The following PCDHGA2 variants were observed in gnomAD, a reference collection of about 807,000 sequenced individuals.
The protein encoded by PCDHGA2 is protocadherin gamma subfamily A, 2.
Under a neutral mutation model 59.2 loss-of-function variants are expected in PCDHGA2, and 40 were observed. The ratio of observed to expected loss-of-function variants is 0.68; its 90% CI spans 0.52 to 0.88. The LOEUF (loss-of-function observed/expected upper bound fraction) is 0.88. Ranked by LOEUF, PCDHGA2 falls within the 40% of genes least tolerant of loss-of-function variation. The pLI is 0.00. For missense variants in PCDHGA2, 1,226 were observed against 1,204.0 expected (o/e 1.02, Z -0.27); for synonymous variants, 560 against 526.0 (o/e 1.06, Z -0.89).
chr5:141,442,164 C>A, intron 1 of PCDHGA2: 1 of 156,542 alleles, frequency 6.4e-6, no homozygotes, highest in Non-Finnish European at 1.4e-5. Context: ...GATCACTCTG[C>A]AAAGCTACAG....
At chr5:141,398,555 G>A in intron 1 of PCDHGA2, 1 of 1,613,934 alleles carries the variant, frequency 6.2e-7, no homozygotes, top group Non-Finnish European at 8.5e-7. Context: ...CTGCAAATAA[G>A]TGAGTCTGCA....
intron 1 of PCDHGA2, among the ~76,000 whole-genome samples, chr5:141,483,393 C>T (rs1475344614): frequency 6.6e-6 from 1 of 152,080 alleles, no homozygotes; most frequent in Admixed American, 6.5e-5. Flanking sequence ...TTGATAAATG[C>T]TTGAACCAGC....
At chr5:141,402,799 C>G in intron 1 of PCDHGA2, 1 of 1,061,846 alleles carries the variant, frequency 9.4e-7, no homozygotes, top group Non-Finnish European at 1.3e-6. Flanking sequence ...TACACAAAAC[C>G]CGGCAGATAC....
chr5:141,432,632 G>A lies in PCDHGA2; in HGVS notation c.2425-62175G>A. 3.7e-6 allele frequency: 6 copies of A among 1,612,834 alleles called. No individual in the cohort carries two copies. The highest frequency in any genetic ancestry group is 5.1e-6 in the Non-Finnish European group (6 of 1,179,706). On this transcript the variant is annotated intron_variant, in intron 1 of 3. Coordinates refer to ENST00000394576, the MANE Select transcript of PCDHGA2 (RefSeq NM_018915.4). The surrounding 1 kb of genome is among the most constrained non-coding windows in gnomAD (Gnocchi z 6.0). ...CTTCTCGGTGGGTCTGCACACGGGC[G>A]AGGTGCGCACGGCGCGAGCCCTGCT...
rs2154573815 is a variant in PCDHGA2 at position 141,475,798 on chromosome 5, CAAAGG to C, written c.2425-19004_2425-19000del. ...TTGGCTGGAAACTCTGGAAGGAAGC[CAAAGG>C]AAAGTGAAGTTCCTGGCGCTAGCGC... On this transcript the variant is annotated intron_variant, in intron 1 of 3. Coordinates refer to ENST00000394576, the MANE Select transcript of PCDHGA2 (RefSeq NM_018915.4). The C allele has an allele frequency of 9.7e-6, 3 of 309,052 alleles. No homozygotes were observed. The South Asian group carries it at 2.0e-4, about 21-fold the overall frequency. 19.1% of individuals were successfully genotyped at this position (309,052 alleles called of 1,614,324 possible).
intron 1 of PCDHGA2, chr5:141,351,201 G>T: frequency 1.9e-6 from 3 of 1,614,058 alleles, no homozygotes; most frequent in Non-Finnish European, 2.5e-6. Flanking sequence ...TATGTGTTGA[G>T]TGTGGAAGCT....
intron 1 of PCDHGA2, chr5:141,364,881 G>T (rs1274418788): frequency 3.1e-6 from 5 of 1,614,016 alleles, no homozygotes; most frequent in Non-Finnish European, 4.2e-6. Context: ...GATGTGGTAA[G>T]CGGAACTGAT....
chr5:141,500,384 T>C (rs956708207), intron 2 of PCDHGA2, among the ~76,000 whole-genome samples: 1 of 151,894 alleles, frequency 6.6e-6, no homozygotes, highest in African/African-American at 2.4e-5. Context: ...AATTATTTTG[T>C]ATTTTTAGTA....
At chr5:141,474,426 C>T (rs2099349464) in intron 1 of PCDHGA2, among the ~76,000 whole-genome samples, 1 of 152,198 alleles carries the variant, frequency 6.6e-6, no homozygotes, top group Non-Finnish European at 1.5e-5. Context: ...ACCATTGGTC[C>T]TCACACTTTG....
chr5:141,383,031 T>C (rs778307271), intron 1 of PCDHGA2: 2 of 1,613,670 alleles, frequency 1.2e-6, no homozygotes, highest in African/African-American at 2.7e-5. Flanking sequence ...AAGGGTCCTT[T>C]GTGGGAGACA....
intron 3 of PCDHGA2, among the ~76,000 whole-genome samples, chr5:141,506,032 G>A (rs994735467): frequency 5.9e-5 from 9 of 152,166 alleles, no homozygotes; most frequent in Non-Finnish European, 1.0e-4. Context: ...TCCAGAGTAG[G>A]ATTCTGGTTT....
intron 1 of PCDHGA2, among the ~76,000 whole-genome samples, chr5:141,473,329 G>A (rs2099319416): frequency 6.6e-6 from 1 of 152,212 alleles, no homozygotes; most frequent in Non-Finnish European, 1.5e-5. Context: ...TTAAGTGCCT[G>A]CTGTGCTAGA....
intron 1 of PCDHGA2, chr5:141,390,888 G>A (rs1420100403): frequency 6.7e-6 from 1 of 149,538 alleles, no homozygotes; most frequent in African/African-American, 2.4e-5. Context: ...GTGTGTGTGT[G>A]AGAGAGATCC....
chr5:141,468,055 T>G (rs2099156893), intron 1 of PCDHGA2, among the ~76,000 whole-genome samples: 1 of 152,096 alleles, frequency 6.6e-6, no homozygotes, highest in Admixed American at 6.5e-5. Flanking sequence ...CCGGGCACAG[T>G]GGCTCACACC....
At chr5:141,405,232 C>T (rs779259588) in intron 1 of PCDHGA2, 8 of 1,613,990 alleles carry the variant, frequency 5.0e-6, no homozygotes, top group Middle Eastern at 1.6e-4. Flanking sequence ...TCTCCCTCAC[C>T]GCTGACTCAA....
intron 1 of PCDHGA2, chr5:141,408,693 T>C (rs1561714723): frequency 6.2e-6 from 10 of 1,613,768 alleles, no homozygotes; most frequent in Non-Finnish European, 8.5e-6. Flanking sequence ...GATATAAACA[T>C]AAACTCAATT....
At chr5:141,400,191 A>G (rs781032596) in intron 1 of PCDHGA2, 2 of 1,613,970 alleles carry the variant, frequency 1.2e-6, no homozygotes, top group Non-Finnish European at 1.7e-6. Context: ...AGTTTTACCT[A>G]GTGGTGGCCT....
At chr5:141,379,831 C>G (rs1242791393) in intron 1 of PCDHGA2, among the ~76,000 whole-genome samples, 1 of 142,262 alleles carries the variant, frequency 7.0e-6, no homozygotes, top group Non-Finnish European at 1.5e-5. Flanking sequence ...TTTGAAGCAT[C>G]AGGAAAAAAA....
chr5:141,369,621 C>T (rs1255765224), intron 1 of PCDHGA2, among the ~76,000 whole-genome samples: 2 of 152,294 alleles, frequency 1.3e-5, no homozygotes, highest in East Asian at 1.9e-4. Flanking sequence ...ATCATTTCCT[C>T]ATTACCTTTA....
Sources: allele counts gnomAD v4.1 joint callset (sites outside exome capture counted in the v4.1 genomes callset), GRCh38; gene constraint gnomAD v4.1.1; non-coding constraint Gnocchi (gnomAD v3.1); transcripts MANE v1.5; gene names NCBI Gene and HGNC (gene_info 2026-07-23, HGNC 2026-07-21).